SLC20A2: variants seen among roughly 807,000 people sequenced by gnomAD.
SLC20A2 encodes solute carrier family 20 member 2.
SLC20A2 carries 30 observed loss-of-function variants against 61.0 expected under a neutral mutation model. That is an observed-to-expected ratio of 0.49 (90% CI 0.37 to 0.67). The LOEUF is 0.67. Ranked by LOEUF, SLC20A2 falls within the 30% of genes least tolerant of loss-of-function variation. SLC20A2 has a pLI of 0.00. For synonymous variants in SLC20A2, 351 were observed against 353.3 expected (o/e 0.99, Z 0.07); for missense variants, 626 against 866.4 (o/e 0.72, Z 3.48).
intron 1 of SLC20A2, among the ~76,000 whole-genome samples, chr8:42,533,482 G>A (rs1289047332): frequency 6.6e-6 from 1 of 151,814 alleles, no homozygotes; most frequent in East Asian, 1.9e-4. Flanking sequence ...TGGGCTTAGT[G>A]GCGCATGCCT....
intron 8 of SLC20A2, among the ~76,000 whole-genome samples, chr8:42,436,461 C>T (rs1804263958): frequency 6.6e-6 from 1 of 152,176 alleles, no homozygotes. Flanking sequence ...GCATCCAGGC[C>T]GTCGTCCAAA....
chr8:42,500,219 T>C (rs1810234495), intron 1 of SLC20A2, among the ~76,000 whole-genome samples: 1 of 152,256 alleles, frequency 6.6e-6, no homozygotes, highest in South Asian at 2.1e-4. Context: ...AATTCCTGCC[T>C]GGTTCTCTGC....
intron 1 of SLC20A2, among the ~76,000 whole-genome samples, chr8:42,492,057 G>C (rs1809558451): frequency 6.6e-6 from 1 of 152,086 alleles, no homozygotes; most frequent in Non-Finnish European, 1.5e-5. Flanking sequence ...TCTCCCCAAA[G>C]GAAATGAAGA....
intron 6 of SLC20A2, among the ~76,000 whole-genome samples, chr8:42,443,278 T>C (rs1378551333): frequency 1.6e-5 from 2 of 122,644 alleles, no homozygotes; most frequent in African/African-American, 6.9e-5. Context: ...TATATATATA[T>C]ATATATATAT....
At chr8:42,515,157 T>C (rs1811255289) in intron 1 of SLC20A2, among the ~76,000 whole-genome samples, 1 of 152,192 alleles carries the variant, frequency 6.6e-6, no homozygotes, top group Non-Finnish European at 1.5e-5. Flanking sequence ...TTAAATTAGC[T>C]TGTCCAAGGT....
rs1305639043 is a variant in SLC20A2 at position 42,426,239 on chromosome 8, T to C, written c.1794+2519A>G. On this transcript the variant is annotated intron_variant, in intron 10 of 10. Coordinates refer to ENST00000520262, the MANE Select transcript of SLC20A2 (RefSeq NM_001257180.2). ...TTTTTAAATAAGCATTTTATACTTT[T>C]CATCTATTCCTATAAACTGTATTCT... Among the ~76,000 whole-genome samples the C allele has an allele frequency of 2.0e-5, 3 of 152,224 alleles. No individual in the cohort carries two copies. The East Asian group carries it at 5.8e-4, about 29-fold the overall frequency.
intron 5 of SLC20A2, among the ~76,000 whole-genome samples, chr8:42,455,156 T>C (rs1372953841): frequency 1.4e-5 from 2 of 142,966 alleles, no homozygotes; most frequent in African/African-American, 2.6e-5. Flanking sequence ...ACCCAGGAGA[T>C]GGAGCTTGCA....
At chr8:42,440,035 A>T (rs918390023) in intron 6 of SLC20A2, among the ~76,000 whole-genome samples, 1 of 152,080 alleles carries the variant, frequency 6.6e-6, no homozygotes, top group African/African-American at 2.4e-5. Flanking sequence ...CAGTGAGCCA[A>T]GACTGCGCCA....
chr8:42,506,538 G>A (rs983519596), intron 1 of SLC20A2, among the ~76,000 whole-genome samples: 1 of 152,214 alleles, frequency 6.6e-6, no homozygotes, highest in Admixed American at 6.5e-5. Context: ...TTTACTGAGT[G>A]CGGATTAAAG....
At chr8:42,481,832 T>C (rs1460932115) in intron 1 of SLC20A2, among the ~76,000 whole-genome samples, 1 of 152,168 alleles carries the variant, frequency 6.6e-6, no homozygotes, top group Non-Finnish European at 1.5e-5. Context: ...CCCTGAGGGT[T>C]CAGCCTTCCC....
intron 1 of SLC20A2, among the ~76,000 whole-genome samples, chr8:42,476,141 G>A (rs943961133): frequency 7.2e-6 from 1 of 139,624 alleles, no homozygotes; most frequent in Non-Finnish European, 1.5e-5. Flanking sequence ...CTGTCGCCCA[G>A]GCTGGAGTGC....
At chr8:42,455,255 TATAGAGAGAG>T (rs1554555160) in intron 5 of SLC20A2, among the ~76,000 whole-genome samples, 13,037 of 96,304 alleles carry the variant, frequency 0.14, 1,032 homozygotes, top group Admixed American at 0.25. Flanking sequence ...TATATATATA[TATAGAGAGAG>T]AGAGAGAGAG....
rs369778536 is a variant in SLC20A2 at position 42,437,512 on chromosome 8, C to G, written c.1000G>C (p.Asp334His). 1.2e-6 allele frequency: 2 copies of G among 1,613,988 alleles called. No individual in the cohort carries two copies. Among genetic ancestry groups the G allele is most frequent in the South Asian group, 2.2e-5 (2 of 91,052 alleles). Residue 334 changes from aspartate (D) to histidine (H), a missense_variant, in exon 8 of 11, where the codon GAC (aspartate) becomes CAC (histidine). By Grantham distance (81) the Asp-to-His change is moderately conservative. This residue lies in a region of SLC20A2 where 361 missense variants were observed against 422.3 expected (regional missense o/e 0.85). Coordinates refer to ENST00000520262, the MANE Select transcript of SLC20A2 (RefSeq NM_001257180.2). The surrounding 1 kb of genome is among the most constrained non-coding windows in gnomAD (Gnocchi z 6.4). The part of the protein sequence containing the change: ...SPISNGTFGF[D>H]GHTRSDGHVY... ...TGACCGTCGCTCCTGGTGTGGCCGT[C>G]GAAGCCGAAGGTGCCGTTGGAGATG...
At chr8:42,432,476 G>C (rs1803942301) in intron 8 of SLC20A2, among the ~76,000 whole-genome samples, 1 of 152,220 alleles carries the variant, frequency 6.6e-6, no homozygotes. Flanking sequence ...TGACAACAAA[G>C]GATTTAGAAT....
chr8:42,428,724 C>G, intron 10 of SLC20A2, 34 bp downstream of exon 10: 1 of 1,589,360 alleles, frequency 6.3e-7, no homozygotes. Flanking sequence ...GTCCCAGCGG[C>G]CTGGGGAAGG....
intron 10 of SLC20A2, among the ~76,000 whole-genome samples, chr8:42,419,137 T>C (rs548316182): frequency 6.6e-6 from 1 of 152,206 alleles, no homozygotes; most frequent in East Asian, 1.9e-4. Flanking sequence ...CTTTACCCAA[T>C]TCACTATTTT....
chr8:42,529,103 T>G (rs988249064), intron 1 of SLC20A2, among the ~76,000 whole-genome samples: 3 of 152,094 alleles, frequency 2.0e-5, no homozygotes, highest in Non-Finnish European at 4.4e-5. Context: ...CTTTCCCAAG[T>G]AGATGGGACT....
rs750893976 is a variant in SLC20A2 at position 42,437,038 on chromosome 8, C to T, written c.1474G>A (p.Val492Ile). The T allele has an allele frequency of 2.5e-6, 4 of 1,613,642 alleles. No individual in the cohort carries two copies. The highest frequency in any genetic ancestry group is 2.2e-5 in the South Asian group (2 of 91,008). The change falls in exon 8 of 11, where the codon GTC becomes ATC. Residue 492 changes from valine to isoleucine, a missense_variant. Physicochemically the swap from Val to Ile is conservative, Grantham distance 29 (BLOSUM62 3). Transcript: ENST00000520262. The surrounding 1 kb of genome is among the most constrained non-coding windows in gnomAD (Gnocchi z 6.4). Reference protein sequence around the residue: ...EVHLLFHFLQVLTACFGSFAH... With the variant: ...EVHLLFHFLQILTACFGSFAH... ...AAGGACCCGAAACAGGCGGTGAGGACCTGCAGGAAATGGAACAGGAGGTGA... is the reference window on the plus strand; with the variant it reads ...AAGGACCCGAAACAGGCGGTGAGGATCTGCAGGAAATGGAACAGGAGGTGA...
At chr8:42,458,947 C>CCA (rs938559437) in intron 5 of SLC20A2, among the ~76,000 whole-genome samples, 2 of 140,544 alleles carry the variant, frequency 1.4e-5, no homozygotes, top group Non-Finnish European at 3.1e-5. Context: ...TTAACCCCCC[C>CCA]CCCCACAAAA....
Sources: gnomAD v4.1 joint callset for allele counts (sites outside exome capture counted in the v4.1 genomes callset) on GRCh38, gnomAD v4.1.1 for gene constraint, gnomAD v4.1.1 regional missense constraint, Gnocchi (gnomAD v3.1) non-coding constraint, MANE v1.5 for transcripts, NCBI Gene and HGNC (gene_info 2026-07-23, HGNC 2026-07-21) for gene names.